DYNC2I1: variants seen among roughly 807,000 people sequenced by gnomAD.
DYNC2I1 encodes cytoplasmic dynein 2 intermediate chain 1.
In DYNC2I1, 89 loss-of-function variants were observed where a neutral mutation model predicts 133.4. The observed-to-expected ratio is 0.67, with a 90% CI of 0.56 to 0.80. The LOEUF (loss-of-function observed/expected upper bound fraction) is 0.80, where lower values mean the gene tolerates loss of function less well. Among genes scored for constraint, DYNC2I1 ranks in the 30% least tolerant of loss-of-function variants. The pLI is 0.00. For missense variants in DYNC2I1, 1,291 were observed against 1,314.5 expected, an observed-to-expected ratio of 0.98 and a Z score of 0.28; for synonymous variants, 504 against 484.3, an observed-to-expected ratio of 1.04 and a Z score of -0.54.
rs751401798 is a variant in DYNC2I1 at position 158,923,708 on chromosome 7, G to T, written c.2232G>T (p.Thr744=). 1.7e-5 allele frequency: 27 copies of T among 1,610,892 alleles called. No homozygotes were observed. The highest frequency in any genetic ancestry group is 2.1e-5 in the Non-Finnish European group (25 of 1,178,110). Residue 744 remains threonine, a synonymous_variant, in exon 17 of 25, where the codon ACG becomes ACT. Transcript: ENST00000407559. Reference sequence around the variant, plus strand: ...TGACGCTGAGCGATGGCTTCTGGACGTTCCGGACCGCCACGTTTTCCACCG... The same window carrying T: ...TGACGCTGAGCGATGGCTTCTGGACTTTCCGGACCGCCACGTTTTCCACCG... ...YSVTLSDGFW[T]FRTATFSTDG...
the DYNC2I1 span, among the ~76,000 whole-genome samples, chr7:158,843,680 C>A: frequency 6.6e-6 from 1 of 152,168 alleles, no homozygotes; most frequent in Non-Finnish European, 1.5e-5. Flanking sequence ...ATAGGCTGAG[C>A]CACCGTGCCC....
intron 20 of DYNC2I1, among the ~76,000 whole-genome samples, chr7:158,929,337 G>T (rs534771332): frequency 8.5e-5 from 13 of 152,380 alleles, no homozygotes; most frequent in African/African-American, 3.1e-4. Context: ...CCCCAGCCCG[G>T]GAGAGGGCGA....
chr7:158,931,659 A>T (rs1850230162), intron 21 of DYNC2I1, among the ~76,000 whole-genome samples: 1 of 152,184 alleles, frequency 6.6e-6, no homozygotes, highest in African/African-American at 2.4e-5. Context: ...GAAAGTGTCT[A>T]ATCTGTCCGC....
rs962683142 is a variant in DYNC2I1 at position 158,888,394 on chromosome 7, T to G, written c.990+1319T>G. Among the ~76,000 whole-genome samples the G allele has an allele frequency of 2.0e-5, 3 of 152,072 alleles. 1 individual carries two copies. The highest frequency in any genetic ancestry group is 2.0e-4 in the Admixed American group (3 of 15,276). On this transcript the variant is annotated intron_variant, in intron 7 of 24. Coordinates refer to ENST00000407559, the MANE Select transcript of DYNC2I1 (RefSeq NM_018051.5). Reference sequence around the variant, plus strand: ...CTATGAATTATTTCTGGAGAATAATTTTTTCTTCTTTGATCGTTATCTGAA... The same window carrying G: ...CTATGAATTATTTCTGGAGAATAATGTTTTCTTCTTTGATCGTTATCTGAA...
intron 21 of DYNC2I1, among the ~76,000 whole-genome samples, chr7:158,932,177 A>G (rs560765478): frequency 2.6e-5 from 4 of 152,088 alleles, no homozygotes; most frequent in Non-Finnish European, 4.4e-5. Context: ...CTCTGTCTGC[A>G]CCGCCCCTGC....
chr7:158,955,220 C>T (rs1362690171), intron 4 of DYNC2I1, among the ~76,000 whole-genome samples: 3 of 152,202 alleles, frequency 2.0e-5, no homozygotes, highest in East Asian at 3.9e-4. Flanking sequence ...CTGTTCATGC[C>T]GTCTCTGCCC....
At chr7:158,921,988 C>G (rs1295761357) in intron 15 of DYNC2I1, among the ~76,000 whole-genome samples, 3 of 152,196 alleles carry the variant, frequency 2.0e-5, no homozygotes, top group Non-Finnish European at 4.4e-5. Context: ...ACGTGGTGTT[C>G]CAGTGCTGAA....
At chr7:158,921,939 C>T (rs1014471425) in intron 15 of DYNC2I1, among the ~76,000 whole-genome samples, 4 of 151,520 alleles carry the variant, frequency 2.6e-5, no homozygotes, top group African/African-American at 9.8e-5. Flanking sequence ...TCTGGAACGG[C>T]GCTCAGCCGC....
chr7:158,901,324 G>C (rs1846234287), intron 8 of DYNC2I1, among the ~76,000 whole-genome samples: 1 of 152,098 alleles, frequency 6.6e-6, no homozygotes, highest in East Asian at 1.9e-4. Flanking sequence ...TGCCTGCCTT[G>C]ACCTCCCAAA....
Position 158,899,524 on chromosome 7 carries a change from A to G in DYNC2I1, c.1060-2215A>G, listed in dbSNP as rs1199965931. ...TAGACCCAAGTTTCTGACCTATATT[A>G]TTTTCCTTCTGATAACGGTTTGGCT... On this transcript the variant is annotated intron_variant, in intron 8 of 24. Transcript: ENST00000407559. Among the ~76,000 whole-genome samples, 3 of 151,910 alleles carry G rather than the reference A, an allele frequency of 2.0e-5. No individual in the cohort carries two copies. The East Asian group carries it at 5.8e-4, about 29-fold the overall frequency.
chr7:158,878,175 G>A lies in DYNC2I1; in HGVS notation c.573+1484G>A, dbSNP rs28513763. 2.0e-3 allele frequency among the ~76,000 whole-genome samples: 272 copies of A among 133,926 alleles called. 4 individuals carry two copies. The highest frequency in any genetic ancestry group is 0.015 in the Middle Eastern group (3 of 204). 87.9% of individuals were successfully genotyped at this position (133,926 alleles called of 152,430 possible). A position where few individuals can be genotyped will look rare whatever the true frequency, so the allele number is the denominator to read the frequency against. On this transcript the variant is annotated intron_variant, in intron 4 of 24. Coordinates refer to ENST00000407559, the MANE Select transcript of DYNC2I1 (RefSeq NM_018051.5). ...AGTGCTGGGCATCATGTGGGGAGGC[G>A]AGGAGGGGAAGCCAGGAGGGCCGAC...
intron 11 of DYNC2I1, among the ~76,000 whole-genome samples, chr7:158,906,909 A>G (rs1251473544): frequency 4.6e-5 from 7 of 152,248 alleles, no homozygotes; most frequent in Non-Finnish European, 7.3e-5. Context: ...ATATGCCTAT[A>G]ATCCCAGCAC....
At chr7:158,918,668 AG>A (rs1848720200) in intron 14 of DYNC2I1, 71 bp from the exon 15 acceptor site, 2 of 1,570,524 alleles carry the variant, frequency 1.3e-6, no homozygotes, top group East Asian at 4.5e-5. Context: ...TAAGATGAAA[AG>A]GTAATTTTTT....
rs1842875135 is a variant in DYNC2I1, at chr7:158,871,533, T to G, written c.461T>G (p.Leu154Arg). Residue 154 changes from leucine (L) to arginine (R), a missense_variant, in exon 3 of 25, where the codon CTG (leucine) becomes CGG (arginine). Coordinates refer to ENST00000407559, the MANE Select transcript of DYNC2I1 (RefSeq NM_018051.5). ...CAGGAGACACGCGACCGGCAGCTCC[T>G]GGAGCGGGCGGAGAGGAAAGGCCGC... Reference protein sequence around the residue: ...LGQETRDRQLLERAERKGRSV... With the variant: ...LGQETRDRQLRERAERKGRSV... 1.3e-6 allele frequency: 2 copies of G among 1,542,804 alleles called. No homozygotes were observed. The highest frequency in any genetic ancestry group is 2.7e-5 in the African/African-American group (2 of 72,784).
intron 23 of DYNC2I1, 82 bp from the exon 24 acceptor site, chr7:158,941,843 C>G: frequency 6.7e-7 from 1 of 1,493,050 alleles, no homozygotes; most frequent in Non-Finnish European, 9.0e-7. Flanking sequence ...CACCACTGCA[C>G]TCCAGGCTGG....
rs763515594 is a variant in DYNC2I1 at position 158,902,455 on chromosome 7, AAG to A, written c.1219_1220del (p.Glu407ThrfsTer17). On this transcript the variant is annotated frameshift_variant, in exon 10 of 25. Coordinates refer to ENST00000407559, the MANE Select transcript of DYNC2I1 (RefSeq NM_018051.5). LOFTEE classifies it high-confidence loss of function. ...GAACCTGAGTCAAGAGAAAAACTGG[AAG>A]AACTTCCTCTAGCTCAAAAAAAGGA... 53 of 1,613,978 alleles carry A rather than the reference AAG, an allele frequency of 3.3e-5. No homozygotes were observed. In the African/African-American group the frequency reaches 6.8e-4, roughly 21 times the overall value.
intron 5 of DYNC2I1, among the ~76,000 whole-genome samples, chr7:158,880,609 G>C (rs572199981): frequency 4.9e-4 from 75 of 152,226 alleles, no homozygotes; most frequent in Non-Finnish European, 8.8e-4. Context: ...AAGCTGGTAC[G>C]TTTTAAAGTG....
In DYNC2I1 at chr7:158,945,705, G is replaced by C; in HGVS notation, c.3127G>C (p.Glu1043Gln). 1 of 1,611,338 alleles carries C rather than the reference G, an allele frequency of 6.2e-7. No individual in the cohort carries two copies. Among genetic ancestry groups the C allele is most frequent in the Non-Finnish European group, 8.5e-7 (1 of 1,178,804 alleles). The change falls in exon 25 of 25, where the codon GAG becomes CAG. Residue 1043 changes from glutamate to glutamine, a missense_variant. Transcript: ENST00000407559. The surrounding 1 kb of genome is among the most constrained non-coding windows in gnomAD (Gnocchi z 4.1). ...QHLKRRWAAPEVDECNRLRLL... is the reference protein window; with the variant it reads ...QHLKRRWAAPQVDECNRLRLL... ...CCTGAAGAGGCGGTGGGCGGCCCCG[G>C]AGGTGGACGAGTGCAACAGGCTGCG...
At chr7:158,881,667 A>T (rs541016764) in intron 5 of DYNC2I1, among the ~76,000 whole-genome samples, 1 of 151,980 alleles carries the variant, frequency 6.6e-6, no homozygotes, top group African/African-American at 2.4e-5. Flanking sequence ...GTTAGCCAGG[A>T]TGGTCTCAAT....
Sources: allele counts gnomAD v4.1 joint callset (sites outside exome capture counted in the v4.1 genomes callset), GRCh38; gene constraint gnomAD v4.1.1; non-coding constraint Gnocchi (gnomAD v3.1); transcripts MANE v1.5; gene names NCBI Gene and HGNC (gene_info 2026-07-23, HGNC 2026-07-21).